The following AHCTF1 variants were observed in gnomAD, a reference collection of about 807,000 sequenced individuals.
AHCTF1 encodes AT-hook containing transcription factor 1, also known as protein ELYS.
In AHCTF1, 24 loss-of-function variants were observed where a neutral mutation model predicts 248.4. That is an observed-to-expected ratio of 0.10 (90% CI 0.07 to 0.14). AHCTF1 has a LOEUF of 0.14. AHCTF1 is among the 10% of genes least tolerant of loss of function. The pLI is 1.00. For synonymous variants in AHCTF1, 786 were observed against 929.8 expected, an observed-to-expected ratio of 0.85 and a Z score of 2.81; for missense variants, 2,206 against 2,636.2, an observed-to-expected ratio of 0.84 and a Z score of 3.57.
intron 24 of AHCTF1, among the ~76,000 whole-genome samples, chr1:246,870,570 C>CAGAT (rs773297561): frequency 6.6e-6 from 1 of 151,894 alleles, no homozygotes; most frequent in Admixed American, 6.6e-5. Context: ...AAAGTGTAAA[C>CAGAT]AGATAGAGGG....
At chr1:246,929,406 C>T (rs1447851984) in intron 1 of AHCTF1, among the ~76,000 whole-genome samples, 3 of 93,136 alleles carry the variant, frequency 3.2e-5, no homozygotes, top group Non-Finnish European at 4.0e-5. Flanking sequence ...GAGACTCCGT[C>T]TCAAAAAAAT....
At chr1:246,890,621 C>A (rs902497956) in intron 16 of AHCTF1, among the ~76,000 whole-genome samples, 13 of 151,944 alleles carry the variant, frequency 8.6e-5, no homozygotes, top group Non-Finnish European at 4.4e-5. Flanking sequence ...TACCAGGAAA[C>A]AGGAAAACTG....
intron 24 of AHCTF1, among the ~76,000 whole-genome samples, chr1:246,868,546 C>A (rs961729153): frequency 1.3e-5 from 2 of 151,318 alleles, no homozygotes; most frequent in African/African-American, 2.4e-5. Flanking sequence ...GAGCCACCGG[C>A]CTGGCCTACA....
intron 21 of AHCTF1, among the ~76,000 whole-genome samples, chr1:246,884,587 G>C (rs962241262): frequency 1.3e-5 from 2 of 152,186 alleles, no homozygotes; most frequent in Admixed American, 1.3e-4. Context: ...CTCCAGCTTA[G>C]TTCGTAAGAA....
At chr1:246,907,272 T>G (rs769184545) in intron 5 of AHCTF1, among the ~76,000 whole-genome samples, 2 of 152,218 alleles carry the variant, frequency 1.3e-5, no homozygotes, top group African/African-American at 2.4e-5. Flanking sequence ...CGTTGTAAAG[T>G]TACAAAGTCA....
intron 21 of AHCTF1, among the ~76,000 whole-genome samples, chr1:246,877,928 TA>T (rs773378669): frequency 6.6e-6 from 1 of 152,066 alleles, no homozygotes; most frequent in Non-Finnish European, 1.5e-5. Flanking sequence ...TATTTATTTT[TA>T]TTTTTTTTAA....
chr1:246,902,397 C>A, intron 8 of AHCTF1, 128 bp downstream of exon 8: 1 of 1,167,680 alleles, frequency 8.6e-7, no homozygotes, highest in Non-Finnish European at 1.2e-6. Flanking sequence ...TCATATAGAA[C>A]TGAATAAATT....
intron 29 of AHCTF1, among the ~76,000 whole-genome samples, chr1:246,859,834 G>A (rs892626980): frequency 2.6e-5 from 4 of 151,998 alleles, no homozygotes; most frequent in East Asian, 1.9e-4. Flanking sequence ...TATTACAGGC[G>A]TGAGCCACTT....
At chr1:246,871,662 T>A (rs1240103128) in intron 24 of AHCTF1, among the ~76,000 whole-genome samples, 2 of 152,130 alleles carry the variant, frequency 1.3e-5, no homozygotes, top group African/African-American at 4.8e-5. Flanking sequence ...CCATCATGTC[T>A]CCACAGACTC....
chr1:246,872,380 G>C (rs1347579164), intron 24 of AHCTF1, among the ~76,000 whole-genome samples: 1 of 152,134 alleles, frequency 6.6e-6, no homozygotes, highest in Admixed American at 6.5e-5. Context: ...TACTAGTGTA[G>C]ACACCTTTAC....
chr1:246,891,656 C>T (rs1664212962), intron 15 of AHCTF1, 123 bp downstream of exon 15: 1 of 1,003,912 alleles, frequency 1.0e-6, no homozygotes, highest in African/African-American at 1.7e-5. Flanking sequence ...AAAACCCTAG[C>T]ACTGGAGAAA....
In AHCTF1 at chr1:246,842,704, GTTTTGT is replaced by G. The variant is rs1427165245; in HGVS notation, c.6592_6597del (p.Thr2198_Lys2199del). On this transcript the variant is annotated inframe_deletion, in exon 35 of 36. Coordinates refer to ENST00000648844, the MANE Select transcript of AHCTF1 (RefSeq NM_001323342.2). ...AACAGAAAGTCATACTTGCTTGCTT[GTTTTGT>G]TTTTGACGTCCTGATTCGTTTCGCT... 6.2e-7 allele frequency: 1 copy of G among 1,613,358 alleles called. No individual in the cohort carries two copies. The highest frequency in any genetic ancestry group is 8.5e-7 in the Non-Finnish European group (1 of 1,179,946).
intron 21 of AHCTF1, among the ~76,000 whole-genome samples, chr1:246,880,577 A>C (rs541161458): frequency 6.6e-6 from 1 of 152,168 alleles, no homozygotes; most frequent in East Asian, 1.9e-4. Flanking sequence ...CAAAAAAAAA[A>C]AAAAAAAAAA....
At chr1:246,892,471 C>T (rs1373235020) in intron 14 of AHCTF1, among the ~76,000 whole-genome samples, 1 of 151,706 alleles carries the variant, frequency 6.6e-6, no homozygotes, top group African/African-American at 2.4e-5. Context: ...CAGGCATGTG[C>T]CACAACACCC....
intron 4 of AHCTF1, among the ~76,000 whole-genome samples, chr1:246,911,479 C>CTTTTTT (rs35320501): frequency 1.0e-3 from 99 of 99,436 alleles, no homozygotes; most frequent in Non-Finnish European, 1.2e-3. Context: ...TATGAAGATT[C>CTTTTTT]TTTTTTTTTT....
intron 27 of AHCTF1, among the ~76,000 whole-genome samples, chr1:246,862,458 C>T (rs982275036): frequency 2.0e-5 from 3 of 149,260 alleles, no homozygotes; most frequent in Non-Finnish European, 4.4e-5. Flanking sequence ...CCAGCCTGGG[C>T]GACAGAGCAA....
At chr1:246,883,019 A>G (rs564026255) in intron 21 of AHCTF1, among the ~76,000 whole-genome samples, 3 of 152,238 alleles carry the variant, frequency 2.0e-5, no homozygotes, top group South Asian at 2.1e-4. Flanking sequence ...CTTTGCTACA[A>G]TAAGTGCTGT....
At chr1:246,918,469 C>G in intron 1 of AHCTF1, 92 bp from the exon 2 acceptor site, 3 of 1,227,206 alleles carry the variant, frequency 2.4e-6, no homozygotes, top group Non-Finnish European at 3.2e-6. Context: ...TAAAAGCCAC[C>G]AACAAAATAA....
chr1:246,904,443 C>T (rs1470344259), intron 6 of AHCTF1, among the ~76,000 whole-genome samples: 1 of 152,142 alleles, frequency 6.6e-6, no homozygotes, highest in Non-Finnish European at 1.5e-5. Flanking sequence ...ACAGAATTAT[C>T]CCATAGTAAC....
Sources: allele counts gnomAD v4.1 joint callset (sites outside exome capture counted in the v4.1 genomes callset), GRCh38; gene constraint gnomAD v4.1.1; transcripts MANE v1.5; gene names NCBI Gene and HGNC (gene_info 2026-07-23, HGNC 2026-07-21).